The following EDNRA variants were observed in gnomAD, a reference collection of about 807,000 sequenced individuals.
EDNRA encodes endothelin receptor type A, also known as endothelin-1 receptor.
EDNRA carries 11 observed loss-of-function variants against 41.4 expected under a neutral mutation model. That is an observed-to-expected ratio of 0.27 (90% CI 0.17 to 0.44). The LOEUF (loss-of-function observed/expected upper bound fraction) is 0.44. Among genes scored for constraint, EDNRA ranks in the 20% least tolerant of loss-of-function variants. The pLI is 1.00. For missense variants in EDNRA, 294 were observed against 531.0 expected (o/e 0.55, Z 4.39); for synonymous variants, 172 against 183.0 (o/e 0.94, Z 0.49).
chr4:147,530,502 C>G (rs968176413), intron 3 of EDNRA, among the ~76,000 whole-genome samples: 1 of 152,032 alleles, frequency 6.6e-6, no homozygotes, highest in African/African-American at 2.4e-5. Flanking sequence ...GTATTTTATC[C>G]CATTTTGAAA....
chr4:147,524,522 G>GAAAGAAAAGAAAAA (rs1473691612), intron 3 of EDNRA, among the ~76,000 whole-genome samples: 1 of 151,500 alleles, frequency 6.6e-6, no homozygotes, highest in Non-Finnish European at 1.5e-5. Flanking sequence ...GGAAGGAAAA[G>GAAAGAAAAGAAAAA]AAAGAAAAGA....
intron 1 of EDNRA, among the ~76,000 whole-genome samples, chr4:147,482,423 A>T (rs1165485986): frequency 6.6e-6 from 1 of 152,182 alleles, no homozygotes; most frequent in Non-Finnish European, 1.5e-5. Context: ...TCTATAGACC[A>T]TGTCCTTCAG....
intron 2 of EDNRA, among the ~76,000 whole-genome samples, chr4:147,511,229 T>C (rs1345231636): frequency 6.6e-6 from 1 of 152,200 alleles, no homozygotes; most frequent in East Asian, 1.9e-4. Context: ...CATTCTTATC[T>C]GAAGTTTCAT....
At chr4:147,487,271 A>C (rs1405546508) in intron 2 of EDNRA, among the ~76,000 whole-genome samples, 1 of 152,198 alleles carries the variant, frequency 6.6e-6, no homozygotes, top group East Asian at 1.9e-4. Context: ...CATCCAAACT[A>C]TATCAGAGAC....
intron 3 of EDNRA, among the ~76,000 whole-genome samples, chr4:147,523,664 G>A (rs1730423341): frequency 6.6e-6 from 1 of 151,720 alleles, no homozygotes. Context: ...CTTATTTTTT[G>A]TATTTTTAGT....
chr4:147,530,982 A>G (rs749307979), intron 3 of EDNRA, among the ~76,000 whole-genome samples: 1 of 152,228 alleles, frequency 6.6e-6, no homozygotes, highest in Admixed American at 6.5e-5. Context: ...GGCCACAAAA[A>G]TACCATACCA....
intron 3 of EDNRA, among the ~76,000 whole-genome samples, chr4:147,521,409 A>G (rs1220241489): frequency 2.6e-5 from 4 of 152,170 alleles, no homozygotes; most frequent in African/African-American, 4.8e-5. Context: ...TTTGGGTTAC[A>G]TCTACATTAT....
chr4:147,488,930 A>G (rs989646946), intron 2 of EDNRA: 1 of 152,216 alleles, frequency 6.6e-6, no homozygotes, highest in Admixed American at 6.5e-5. Context: ...TTGCAGGGCA[A>G]GGTAGCAGCT....
chr4:147,492,825 T>C (rs1395278367), intron 2 of EDNRA: 1 of 152,174 alleles, frequency 6.6e-6, no homozygotes, highest in Non-Finnish European at 1.5e-5. Flanking sequence ...CTGTTTGTTA[T>C]AAGGAAGTTG....
intron 1 of EDNRA, among the ~76,000 whole-genome samples, chr4:147,483,537 C>T (rs56015601): frequency 0.38 from 57,479 of 151,954 alleles, 12,133 homozygotes; most frequent in African/African-American, 0.58. Context: ...ATCCAATACT[C>T]GCACTTTATA....
At chr4:147,500,921 G>C (rs1337808025) in intron 2 of EDNRA, among the ~76,000 whole-genome samples, 1 of 152,174 alleles carries the variant, frequency 6.6e-6, no homozygotes, top group Non-Finnish European at 1.5e-5. Context: ...GCAGCTTGAA[G>C]AACCAGAGCA....
chr4:147,497,059 A>G (rs559294949), intron 2 of EDNRA, among the ~76,000 whole-genome samples: 4 of 151,260 alleles, frequency 2.6e-5, no homozygotes, highest in Non-Finnish European at 5.9e-5. Flanking sequence ...ATTTTTCTTG[A>G]TCATAACCTT....
intron 2 of EDNRA, among the ~76,000 whole-genome samples, chr4:147,517,508 G>A (rs1414001081): frequency 6.6e-6 from 1 of 152,212 alleles, no homozygotes; most frequent in African/African-American, 2.4e-5. Context: ...CCTCCTAGCA[G>A]CATTGGACAC....
intron 2 of EDNRA, among the ~76,000 whole-genome samples, chr4:147,509,668 G>A (rs1729851490): frequency 6.6e-6 from 1 of 152,080 alleles, no homozygotes; most frequent in Non-Finnish European, 1.5e-5. Flanking sequence ...GATTCTCAAA[G>A]GAGTATGAAC....
In EDNRA at chr4:147,485,936, G is replaced by T. The variant is rs1483966171; in HGVS notation, c.255G>T (p.Val85=). 1.2e-6 allele frequency: 2 copies of T among 1,614,144 alleles called. No individual in the cohort carries two copies. Among genetic ancestry groups the T allele is most frequent in the African/African-American group, 2.7e-5 (2 of 74,946 alleles). The part of the protein sequence containing the change: ...ITSAFKYINT[V]ISCTIFIVGM... ...CAGCTTTCAAATACATTAACACTGTGATATCTTGTACTATTTTCATCGTGG... is the reference window on the plus strand; with the variant it reads ...CAGCTTTCAAATACATTAACACTGTTATATCTTGTACTATTTTCATCGTGG... The change falls in exon 2 of 8, where the codon GTG becomes GTT. Residue 85 remains valine, a synonymous_variant. Coordinates refer to ENST00000651419, the MANE Select transcript of EDNRA (RefSeq NM_001957.4).
intron 3 of EDNRA, among the ~76,000 whole-genome samples, chr4:147,523,901 C>A (rs1730436899): frequency 6.6e-6 from 1 of 152,024 alleles, no homozygotes; most frequent in African/African-American, 2.4e-5. Flanking sequence ...CCCATCATGG[C>A]CTGAACTCGT....
intron 7 of EDNRA, 38 bp from the exon 8 acceptor site, chr4:147,542,440 G>C (rs577010695): frequency 6.2e-7 from 1 of 1,613,072 alleles, no homozygotes. Flanking sequence ...GAATGGGCTG[G>C]TAGGCTCGCC....
intron 2 of EDNRA, among the ~76,000 whole-genome samples, chr4:147,509,853 TTA>T (rs1005419898): frequency 3.9e-5 from 6 of 152,138 alleles, no homozygotes; most frequent in Non-Finnish European, 7.4e-5. Context: ...AATTATTTTA[TTA>T]TATATTGCAA....
chr4:147,535,202 CT>C (rs1730878306), intron 4 of EDNRA, among the ~76,000 whole-genome samples: 1 of 152,104 alleles, frequency 6.6e-6, no homozygotes, highest in Admixed American at 6.5e-5. Context: ...ACCGAATAAT[CT>C]CGGTATTTAT....
Sources: allele counts gnomAD v4.1 joint callset (sites outside exome capture counted in the v4.1 genomes callset), GRCh38; gene constraint gnomAD v4.1.1; transcripts MANE v1.5; gene names NCBI Gene and HGNC (gene_info 2026-07-23, HGNC 2026-07-21).